Variants in RNF150 observed in about 807,000 individuals in gnomAD.
RNF150 encodes the protein ring finger protein 150.
A neutral mutation model predicts 39.3 loss-of-function variants in RNF150; 24 were observed. That is an observed-to-expected ratio of 0.61 (90% confidence interval 0.44 to 0.86). The LOEUF is 0.86. Ranked by LOEUF, RNF150 falls within the 40% of genes least tolerant of loss-of-function variation. The pLI is 0.00. For synonymous variants in RNF150, 255 were observed against 227.3 expected (o/e 1.12, Z -1.10); for missense variants, 502 against 587.8 (o/e 0.85, Z 1.51).
chr4:140,908,214 A>C (rs1730466090), intron 6 of RNF150, among the ~76,000 whole-genome samples: 1 of 152,206 alleles, frequency 6.6e-6, no homozygotes. Context: ...TTATTAATTA[A>C]ATCTTAATTT....
intron 6 of RNF150, 125 bp downstream of exon 6, chr4:140,911,019 C>A: frequency 1.3e-6 from 1 of 767,386 alleles, no homozygotes; most frequent in Non-Finnish European, 2.1e-6. Context: ...GCAGTTATAA[C>A]TGATGAACCT....
At chr4:140,886,359 A>G (rs1286233235) in intron 6 of RNF150, among the ~76,000 whole-genome samples, 1 of 152,106 alleles carries the variant, frequency 6.6e-6, no homozygotes, top group East Asian at 1.9e-4. Context: ...AGTGGGTAGT[A>G]GTGAAAAACA....
intron 6 of RNF150, among the ~76,000 whole-genome samples, chr4:140,875,724 T>C (rs1374522628): frequency 6.6e-6 from 1 of 152,144 alleles, no homozygotes; most frequent in Admixed American, 6.5e-5. Context: ...TGTTTGTGTT[T>C]TTTTTTAATG....
rs1315151287 is a variant in RNF150, at chr4:140,867,417, T to C, written c.*844A>G. ...AGCCCTACAACCACCAAAGACTGGA[T>C]GCCTTGGAGGGGACTTCTGAGTTCA... On this transcript the variant is annotated 3_prime_UTR_variant, in exon 7 of 7. Coordinates refer to ENST00000515673, the MANE Select transcript of RNF150 (RefSeq NM_020724.2). 6.6e-6 allele frequency: 1 copy of C among 152,150 alleles called. No homozygotes were observed. Among genetic ancestry groups the C allele is most frequent in the Non-Finnish European group, 1.5e-5 (1 of 68,018 alleles). The allele number at this position is 152,150 out of a possible 1,614,324, so 9.4% of individuals were successfully genotyped here. A position where few individuals can be genotyped will look rare whatever the true frequency, so the allele number is the denominator to read the frequency against.
chr4:140,914,936 A>G (rs1017156838), intron 5 of RNF150, among the ~76,000 whole-genome samples: 1 of 152,214 alleles, frequency 6.6e-6, no homozygotes, highest in Non-Finnish European at 1.5e-5. Flanking sequence ...ATACAAGGAC[A>G]CTTTGTTAAA....
intron 1 of RNF150, among the ~76,000 whole-genome samples, chr4:141,013,862 T>G (rs940177702): frequency 6.6e-6 from 1 of 152,166 alleles, no homozygotes; most frequent in African/African-American, 2.4e-5. Context: ...TTACTGTTAT[T>G]TTAAAATATA....
chr4:140,988,025 G>C (rs1734069291), intron 1 of RNF150, among the ~76,000 whole-genome samples: 1 of 152,168 alleles, frequency 6.6e-6, no homozygotes, highest in Non-Finnish European at 1.5e-5. Flanking sequence ...CTGATCATTA[G>C]AGAAATGCAA....
At chr4:141,077,069 A>G (rs1737922260) in intron 1 of RNF150, among the ~76,000 whole-genome samples, 1 of 151,924 alleles carries the variant, frequency 6.6e-6, no homozygotes, top group South Asian at 2.1e-4. Flanking sequence ...TTTCAGCTCT[A>G]CTCACTACAC....
Position 140,863,509 on chromosome 4 carries a change from A to C in RNF150, c.*4752T>G, listed in dbSNP as rs1207474266. On this transcript the variant is annotated 3_prime_UTR_variant, in exon 7 of 7. Coordinates refer to ENST00000515673, the MANE Select transcript of RNF150 (RefSeq NM_020724.2). ...CAACAACAGTAACAATGGTAATCAC[A>C]ATAATGATAATGACTCTGTAGGTAT... 1.3e-5 allele frequency: 2 copies of C among 152,228 alleles called. No homozygotes were observed. Among genetic ancestry groups the C allele is most frequent in the Non-Finnish European group, 2.9e-5 (2 of 68,038 alleles). The allele number at this position is 152,228 out of a possible 1,614,324, so 9.4% of individuals were successfully genotyped here.
intron 1 of RNF150, among the ~76,000 whole-genome samples, chr4:140,978,532 T>C (rs1733747307): frequency 6.6e-6 from 1 of 152,192 alleles, no homozygotes; most frequent in African/African-American, 2.4e-5. Flanking sequence ...GAATTTGTGG[T>C]AACTGTAGGG....
intron 2 of RNF150, among the ~76,000 whole-genome samples, chr4:140,962,297 T>C (rs762022129): frequency 3.0e-4 from 45 of 151,988 alleles, no homozygotes; most frequent in Non-Finnish European, 2.9e-5. Context: ...TTTAATAAAA[T>C]AAACTTTAAA....
chr4:140,947,171 TAA>T (rs879543475), intron 4 of RNF150, among the ~76,000 whole-genome samples: 3 of 144,928 alleles, frequency 2.1e-5, no homozygotes, highest in East Asian at 2.0e-4. Flanking sequence ...TCTGTTAGTT[TAA>T]AAAAAAAAAA....
At chr4:140,978,830 A>T (rs1733758700) in intron 1 of RNF150, among the ~76,000 whole-genome samples, 1 of 152,168 alleles carries the variant, frequency 6.6e-6, no homozygotes, top group Non-Finnish European at 1.5e-5. Flanking sequence ...GGCTAAAAAT[A>T]ATATGATAGA....
At chr4:141,057,004 C>T (rs1258774870) in intron 1 of RNF150, among the ~76,000 whole-genome samples, 2 of 152,128 alleles carry the variant, frequency 1.3e-5, no homozygotes, top group Non-Finnish European at 2.9e-5. Flanking sequence ...TATCCAAATA[C>T]TAGCTGCATG....
intron 1 of RNF150, among the ~76,000 whole-genome samples, chr4:141,015,632 C>A (rs1198255343): frequency 6.6e-6 from 1 of 152,044 alleles, no homozygotes; most frequent in Non-Finnish European, 1.5e-5. Context: ...ATTCATTTAT[C>A]AGTCCTAACA....
At chr4:141,141,070 A>T (rs1727110870) in intron 1 of RNF150, among the ~76,000 whole-genome samples, 1 of 152,244 alleles carries the variant, frequency 6.6e-6, no homozygotes, top group Non-Finnish European at 1.5e-5. Context: ...TCACAAGACT[A>T]CAGCATTAAT....
At chr4:141,148,649 C>G (rs1346239988) in intron 1 of RNF150, among the ~76,000 whole-genome samples, 3 of 152,138 alleles carry the variant, frequency 2.0e-5, no homozygotes, top group Non-Finnish European at 2.9e-5. Context: ...CCATGTTGGA[C>G]AGGCTGATCT....
chr4:141,070,447 C>T (rs550538815), intron 1 of RNF150, among the ~76,000 whole-genome samples: 1,832 of 147,162 alleles, frequency 0.012, 27 homozygotes, highest in African/African-American at 0.043. Flanking sequence ...AACAGGCAAC[C>T]TACAAAATGG....
At chr4:141,000,087 G>GAGAAGAAGAAGA (rs138129349) in intron 1 of RNF150, among the ~76,000 whole-genome samples, 1 of 35,902 alleles carries the variant, frequency 2.8e-5, no homozygotes. Flanking sequence ...GAAGAAGAAG[G>GAGAAGAAGAAGA]AGAAGAAGAA....
Sources: allele counts gnomAD v4.1 joint callset (sites outside exome capture counted in the v4.1 genomes callset), GRCh38; gene constraint gnomAD v4.1.1; transcripts MANE v1.5; gene names NCBI Gene and HGNC (gene_info 2026-07-23, HGNC 2026-07-21).